The following SLC24A2 variants were observed in gnomAD, a reference collection of about 807,000 sequenced individuals.
The protein encoded by SLC24A2 is sodium/potassium/calcium exchanger 2.
Under a neutral mutation model 62.0 loss-of-function variants are expected in SLC24A2, and 36 were observed. The observed-to-expected ratio is 0.58, with a 90% CI of 0.44 to 0.77. SLC24A2 has a LOEUF of 0.77. Ranked by LOEUF, SLC24A2 falls within the 30% of genes least tolerant of loss-of-function variation. SLC24A2 has a pLI of 0.00. For missense variants in SLC24A2, 846 were observed against 817.9 expected, an observed-to-expected ratio of 1.03 and a Z score of -0.42; for synonymous variants, 358 against 294.0, an observed-to-expected ratio of 1.22 and a Z score of -2.23.
At chr9:19,892,072 C>G in the SLC24A2 span, among the ~76,000 whole-genome samples, 1 of 152,188 alleles carries the variant, frequency 6.6e-6, no homozygotes. Flanking sequence ...TCACTCTATG[C>G]CAACATGGGC....
the SLC24A2 span, among the ~76,000 whole-genome samples, chr9:20,040,002 G>A: frequency 6.6e-6 from 1 of 152,220 alleles, no homozygotes; most frequent in Non-Finnish European, 1.5e-5. Flanking sequence ...GTCATTGGGT[G>A]AGTAACTAAA....
At chr9:20,295,457 G>A in the SLC24A2 span, among the ~76,000 whole-genome samples, 1,049 of 152,270 alleles carry the variant, frequency 6.9e-3, 8 homozygotes, top group African/African-American at 0.023. Flanking sequence ...CAGAATTAAG[G>A]AATACCTAGA....
At chr9:20,276,751 C>G in the SLC24A2 span, among the ~76,000 whole-genome samples, 1 of 152,352 alleles carries the variant, frequency 6.6e-6, no homozygotes, top group Non-Finnish European at 1.5e-5. Flanking sequence ...GAAATCTAGG[C>G]GGAGGTTCCC....
the SLC24A2 span, among the ~76,000 whole-genome samples, chr9:20,031,169 T>C: frequency 6.6e-6 from 1 of 151,326 alleles, no homozygotes; most frequent in Admixed American, 6.6e-5. Context: ...TATATTCACA[T>C]ACACATACAT....
intron 8 of SLC24A2, among the ~76,000 whole-genome samples, chr9:19,528,744 T>G (rs557246407): frequency 4.6e-5 from 7 of 152,268 alleles, no homozygotes; most frequent in East Asian, 1.9e-4. Context: ...TCCAGGACAC[T>G]GGAACCACCC....
chr9:19,908,830 C>A, the SLC24A2 span, among the ~76,000 whole-genome samples: 1 of 152,100 alleles, frequency 6.6e-6, no homozygotes, highest in African/African-American at 2.4e-5. Context: ...AGTCAGGAAA[C>A]AACAGGTGCT....
chr9:20,103,201 A>C, the SLC24A2 span, among the ~76,000 whole-genome samples: 13 of 152,320 alleles, frequency 8.5e-5, no homozygotes, highest in Non-Finnish European at 1.0e-4. Flanking sequence ...TGGGAAGCTC[A>C]AACTGGGTGG....
chr9:20,236,336 G>A, the SLC24A2 span, among the ~76,000 whole-genome samples: 6 of 152,046 alleles, frequency 3.9e-5, no homozygotes, highest in African/African-American at 1.4e-4. Context: ...TATCTGAGTG[G>A]GGGAAAGGTA....
chr9:20,163,575 C>G, the SLC24A2 span, among the ~76,000 whole-genome samples: 1 of 152,130 alleles, frequency 6.6e-6, no homozygotes, highest in Non-Finnish European at 1.5e-5. Flanking sequence ...TTTACAGATT[C>G]AATGCCATCC....
chr9:20,186,293 C>T, the SLC24A2 span, among the ~76,000 whole-genome samples: 2 of 152,154 alleles, frequency 1.3e-5, no homozygotes, highest in Admixed American at 1.3e-4. Flanking sequence ...TTCCCTGTGC[C>T]TCTATCCTGT....
intron 9 of SLC24A2, among the ~76,000 whole-genome samples, chr9:19,524,302 T>C (rs895867439): frequency 6.6e-6 from 1 of 151,930 alleles, no homozygotes; most frequent in African/African-American, 2.4e-5. Context: ...ACTCTTAAAA[T>C]TAATTTCTAA....
the SLC24A2 span, among the ~76,000 whole-genome samples, chr9:19,819,900 C>A: frequency 1.3e-5 from 2 of 151,202 alleles, no homozygotes; most frequent in African/African-American, 4.9e-5. Context: ...AAGATACTTG[C>A]ACACACATGT....
chr9:19,942,615 C>T, the SLC24A2 span, among the ~76,000 whole-genome samples: 47 of 152,134 alleles, frequency 3.1e-4, no homozygotes, highest in African/African-American at 8.5e-4. Context: ...TTTAACCTAG[C>T]GAACACAATT....
the SLC24A2 span, among the ~76,000 whole-genome samples, chr9:20,161,622 C>T: frequency 1.3e-5 from 2 of 151,178 alleles, no homozygotes; most frequent in Non-Finnish European, 3.0e-5. Context: ...AGACTTATTA[C>T]CTCCTTAAAT....
chr9:19,851,029 T>A, the SLC24A2 span, among the ~76,000 whole-genome samples: 148 of 91,766 alleles, frequency 1.6e-3, no homozygotes, highest in Non-Finnish European at 2.6e-3. Context: ...ATATACATAT[T>A]TTTTTTTTTT....
chr9:20,106,410 G>C, the SLC24A2 span, among the ~76,000 whole-genome samples: 7 of 152,156 alleles, frequency 4.6e-5, no homozygotes, highest in Non-Finnish European at 8.8e-5. Flanking sequence ...GAGAATTTTA[G>C]ACCAATATCC....
chr9:19,767,056 AC>A (rs151011467), intron 2 of SLC24A2, among the ~76,000 whole-genome samples: 3,190 of 152,258 alleles, frequency 0.021, 114 homozygotes, highest in African/African-American at 0.071. Flanking sequence ...GGTGGGCTCC[AC>A]CCAGTTAGAA....
the SLC24A2 span, among the ~76,000 whole-genome samples, chr9:20,102,198 G>A: frequency 2.0e-5 from 3 of 152,094 alleles, no homozygotes; most frequent in Non-Finnish European, 4.4e-5. Flanking sequence ...GGAGAACTAA[G>A]GTTTCTGGGG....
the SLC24A2 span, among the ~76,000 whole-genome samples, chr9:20,244,238 A>G: frequency 5.9e-5 from 9 of 152,230 alleles, no homozygotes; most frequent in African/African-American, 2.2e-4. Context: ...GTGTGCCTTT[A>G]AACAGCTATG....
Sources: allele counts gnomAD v4.1 joint callset (sites outside exome capture counted in the v4.1 genomes callset), GRCh38; gene constraint gnomAD v4.1.1; transcripts MANE v1.5; gene names NCBI Gene and HGNC (gene_info 2026-07-23, HGNC 2026-07-21).